The following RBFOX1 variants were observed in gnomAD, a reference collection of about 807,000 sequenced individuals.
The protein encoded by RBFOX1 is RNA binding fox-1 homolog 1.
A neutral mutation model predicts 57.7 loss-of-function variants in RBFOX1; 8 were observed. The observed-to-expected ratio is 0.14, with a 90% CI of 0.08 to 0.25. The LOEUF is 0.25. Ranked by LOEUF, RBFOX1 falls within the 10% of genes least tolerant of loss-of-function variation. RBFOX1 has a pLI of 1.00. For missense variants in RBFOX1, 611 were observed against 548.5 expected, an observed-to-expected ratio of 1.11 and a Z score of -1.14; for synonymous variants, 326 against 222.4, an observed-to-expected ratio of 1.47 and a Z score of -4.15.
chr16:6,858,232 G>C (rs1255164998), intron 3 of RBFOX1, among the ~76,000 whole-genome samples: 1 of 152,196 alleles, frequency 6.6e-6, no homozygotes, highest in Non-Finnish European at 1.5e-5. Flanking sequence ...GAATGGTTTT[G>C]AGATTTATCT....
intron 3 of RBFOX1, among the ~76,000 whole-genome samples, chr16:5,656,906 G>A (rs1012699552): frequency 1.3e-5 from 2 of 152,144 alleles, no homozygotes; most frequent in Non-Finnish European, 2.9e-5. Context: ...CACAGGGAGG[G>A]GAACATCACA....
intron 4 of RBFOX1, among the ~76,000 whole-genome samples, chr16:7,206,843 C>G (rs879498266): frequency 8.6e-5 from 13 of 151,900 alleles, no homozygotes; most frequent in Admixed American, 8.5e-4. Flanking sequence ...AATCAATTCT[C>G]TTCTTATCAG....
intron 1 of RBFOX1, among the ~76,000 whole-genome samples, chr16:6,255,025 C>G (rs977960447): frequency 5.9e-5 from 9 of 152,048 alleles, no homozygotes; most frequent in Non-Finnish European, 7.4e-5. Context: ...TTCCTTCCAT[C>G]TCTCCCACCC....
chr16:6,925,734 C>T (rs2075454823), intron 3 of RBFOX1, among the ~76,000 whole-genome samples: 1 of 151,662 alleles, frequency 6.6e-6, no homozygotes, highest in African/African-American at 2.4e-5. Flanking sequence ...ATTTTAAACA[C>T]CCAAACACAG....
At chr16:6,586,015 T>A (rs953159446) in intron 2 of RBFOX1, among the ~76,000 whole-genome samples, 22 of 152,194 alleles carry the variant, frequency 1.4e-4, no homozygotes, top group Admixed American at 3.9e-4. Flanking sequence ...AGTGAAATAA[T>A]ATATACTGCA....
At chr16:7,397,093 A>G (rs900342006) in intron 4 of RBFOX1, among the ~76,000 whole-genome samples, 2 of 152,106 alleles carry the variant, frequency 1.3e-5, no homozygotes, top group African/African-American at 2.4e-5. Flanking sequence ...AATGAAAACT[A>G]TTTTTTTCAG....
chr16:5,566,297 G>A (rs2046064233), intron 2 of RBFOX1, among the ~76,000 whole-genome samples: 1 of 152,096 alleles, frequency 6.6e-6, no homozygotes, highest in Non-Finnish European at 1.5e-5. Context: ...GCTTATGTCA[G>A]CACTGTAACG....
At chr16:6,692,795 C>T (rs1055285248) in intron 3 of RBFOX1, among the ~76,000 whole-genome samples, 4 of 152,090 alleles carry the variant, frequency 2.6e-5, no homozygotes, top group Admixed American at 2.0e-4. Context: ...ATCATTGTCA[C>T]TATCAGTACT....
intron 4 of RBFOX1, among the ~76,000 whole-genome samples, chr16:7,122,986 T>G (rs1425830941): frequency 6.6e-6 from 1 of 151,520 alleles, no homozygotes; most frequent in Non-Finnish European, 1.5e-5. Flanking sequence ...CTATGACATC[T>G]GCAAGAAAGA....
intron 5 of RBFOX1, among the ~76,000 whole-genome samples, chr16:7,576,498 A>G (rs1439876224): frequency 6.6e-6 from 1 of 151,920 alleles, no homozygotes; most frequent in Non-Finnish European, 1.5e-5. Context: ...TTACTTTTTT[A>G]TTTTGCATGC....
chr16:6,568,458 G>C (rs2097298214), intron 2 of RBFOX1, among the ~76,000 whole-genome samples: 1 of 152,158 alleles, frequency 6.6e-6, no homozygotes, highest in Non-Finnish European at 1.5e-5. Context: ...AGAAAGAAGG[G>C]AGAGATGCTA....
intron 1 of RBFOX1, among the ~76,000 whole-genome samples, chr16:6,066,796 A>C (rs1160555629): frequency 6.6e-6 from 1 of 152,188 alleles, no homozygotes; most frequent in Non-Finnish European, 1.5e-5. Flanking sequence ...TATGGTTCTC[A>C]GAGTCTCTCT....
At chr16:5,872,658 C>T (rs1030462422) in intron 4 of RBFOX1, among the ~76,000 whole-genome samples, 5 of 151,988 alleles carry the variant, frequency 3.3e-5, no homozygotes, top group South Asian at 2.1e-4. Flanking sequence ...GTTGCTTGAG[C>T]CCAGGAGGTT....
intron 2 of RBFOX1, among the ~76,000 whole-genome samples, chr16:6,566,016 A>T (rs991481630): frequency 1.3e-5 from 2 of 152,234 alleles, no homozygotes; most frequent in East Asian, 1.9e-4. Flanking sequence ...GCAGGGTCAC[A>T]GGTTACACCT....
rs145596053 is a variant in RBFOX1 at position 7,457,216 on chromosome 16, C to T, written c.28-60931C>T. Reference sequence around the variant, plus strand: ...GTATGCATTTTTATCACTCATACAGCGGGTCCATGAATGCAAGCAGTGGCT... The same window carrying T: ...GTATGCATTTTTATCACTCATACAGTGGGTCCATGAATGCAAGCAGTGGCT... On this transcript the variant is annotated intron_variant, in intron 4 of 15. Coordinates refer to ENST00000550418, the MANE Select transcript of RBFOX1 (RefSeq NM_018723.4). Among the ~76,000 whole-genome samples the T allele has an allele frequency of 2.8e-4, 43 of 152,064 alleles. 1 individual carries two copies. The East Asian group carries it at 6.8e-3, about 24-fold the overall frequency.
At chr16:5,682,576 G>C (rs2151439136) in intron 3 of RBFOX1, among the ~76,000 whole-genome samples, 1 of 152,282 alleles carries the variant, frequency 6.6e-6, no homozygotes, top group South Asian at 2.1e-4. Flanking sequence ...TTAAATCCTT[G>C]TGAACCTGGG....
chr16:6,103,747 T>C (rs1171258468), intron 1 of RBFOX1, among the ~76,000 whole-genome samples: 1 of 152,100 alleles, frequency 6.6e-6, no homozygotes, highest in African/African-American at 2.4e-5. Context: ...CTGCATGCCA[T>C]TGGCCAGAAC....
At chr16:6,931,868 C>T (rs540547196) in intron 3 of RBFOX1, among the ~76,000 whole-genome samples, 133 of 152,104 alleles carry the variant, frequency 8.7e-4, no homozygotes, top group African/African-American at 2.9e-3. Flanking sequence ...CTGACGAGGG[C>T]GTGGTATAAG....
intron 2 of RBFOX1, among the ~76,000 whole-genome samples, chr16:5,569,626 C>G (rs901055803): frequency 2.0e-5 from 3 of 151,586 alleles, no homozygotes; most frequent in African/African-American, 7.3e-5. Context: ...AAAATAAAGT[C>G]CCTAAAGTCA....
Sources: allele counts gnomAD v4.1 joint callset (sites outside exome capture counted in the v4.1 genomes callset), GRCh38; gene constraint gnomAD v4.1.1; transcripts MANE v1.5; gene names NCBI Gene and HGNC (gene_info 2026-07-23, HGNC 2026-07-21).